HSP90AA1: variants seen among roughly 807,000 people sequenced by gnomAD.
The protein encoded by HSP90AA1 is heat shock protein HSP 90-alpha.
Under a neutral mutation model 73.3 loss-of-function variants are expected in HSP90AA1, and 18 were observed. The observed-to-expected ratio is 0.25, with a 90% CI of 0.17 to 0.36. HSP90AA1 has a LOEUF of 0.36. HSP90AA1 is among the 10% of genes least tolerant of loss of function. HSP90AA1 has a pLI of 1.00. For missense variants in HSP90AA1, 704 were observed against 874.2 expected, an observed-to-expected ratio of 0.81 and a Z score of 2.45; for synonymous variants, 477 against 296.9, an observed-to-expected ratio of 1.61 and a Z score of -6.24.
chr14:102,084,360 T>TA (rs759941046), intron 6 of HSP90AA1, 39 bp downstream of exon 6: 3 of 1,587,140 alleles, frequency 1.9e-6, no homozygotes, highest in Non-Finnish European at 2.6e-6. Context: ...AGTACTTCTT[T>TA]AATCAGTGAC....
At chr14:102,094,872 A>G (rs971402379) in intron 2 of HSP90AA1, among the ~76,000 whole-genome samples, 17 of 152,142 alleles carry the variant, frequency 1.1e-4, no homozygotes, top group South Asian at 2.1e-4. Flanking sequence ...CACGCTTCCA[A>G]TGAGACCTGA....
intron 10 of HSP90AA1, 127 bp downstream of exon 10, chr14:102,081,984 A>C: frequency 1.3e-6 from 1 of 792,510 alleles, no homozygotes; most frequent in Non-Finnish European, 2.2e-6. Context: ...TAAAAAAAAC[A>C]TACTTTAATA....
upstream of HSP90AA1, among the ~76,000 whole-genome samples, chr14:102,088,118 C>T (rs572170017): frequency 7.2e-5 from 11 of 151,968 alleles, no homozygotes; most frequent in Admixed American, 7.2e-4. Context: ...GCGCGGACAC[C>T]ACACCTGTCT....
chr14:102,083,540 T>G lies in HSP90AA1; in HGVS notation c.1486+6A>C. 6.2e-7 allele frequency: 1 copy of G among 1,613,188 alleles called. No individual in the cohort carries two copies. Among genetic ancestry groups the G allele is most frequent in the Non-Finnish European group, 8.5e-7 (1 of 1,179,518 alleles). On this transcript the variant is annotated splice_donor_region_variant and intron_variant, in intron 8 of 10. Coordinates refer to ENST00000216281, the MANE Select transcript of HSP90AA1 (RefSeq NM_005348.4). ...CGTGTATGACTGTAACATAGTGTTC[T>G]CTTACCTGTGATATAATAGATATGT...
exon 1 of HSP90AA1, chr14:102,139,514 G>C (rs2152632080): frequency 8.6e-7 from 1 of 1,165,764 alleles, no homozygotes; most frequent in Non-Finnish European, 1.2e-6. Flanking sequence ...CAGGGCGGGA[G>C]ACCGCTGAGG....
At chr14:102,083,339 A>G in intron 8 of HSP90AA1, 37 bp from the exon 9 acceptor site, 2 of 1,610,142 alleles carry the variant, frequency 1.2e-6, no homozygotes, top group Non-Finnish European at 1.7e-6. Context: ...ACCTTTTAAC[A>G]GTTAAGAATG....
At chr14:102,132,636 A>G (rs2049922215) in intron 1 of HSP90AA1, among the ~76,000 whole-genome samples, 1 of 152,098 alleles carries the variant, frequency 6.6e-6, no homozygotes, top group South Asian at 2.1e-4. Context: ...ATCTGGCTAA[A>G]AGGTAGCATA....
rs368978190 is a variant in HSP90AA1 at position 102,083,845 on chromosome 14, T to C, written c.1286A>G (p.Glu429Gly). 2.5e-6 allele frequency: 4 copies of C among 1,613,968 alleles called. No homozygotes were observed. Among genetic ancestry groups the C allele is most frequent in the Non-Finnish European group, 3.4e-6 (4 of 1,179,940 alleles). ...KCLELFTELA[E>G]DKENYKKFYE... The stretch of plus-strand genomic sequence containing the variant: ...GAATTTCTTGTAGTTCTCTTTATCT[T>C]CCGCCAGTTCAGTAAAGAGTTCTAA... Residue 429 changes from glutamate to glycine, a missense_variant, in exon 7 of 11, where the codon GAA (glutamate) becomes GGA (glycine). Coordinates refer to ENST00000216281, the MANE Select transcript of HSP90AA1 (RefSeq NM_005348.4).
chr14:102,085,726 C>T, intron 3 of HSP90AA1, 32 bp downstream of exon 3: 1 of 1,613,890 alleles, frequency 6.2e-7, no homozygotes. Context: ...CCTTCCACCG[C>T]TCACTTAACC....
intron 1 of HSP90AA1, among the ~76,000 whole-genome samples, chr14:102,130,052 C>A (rs966352150): frequency 1.3e-5 from 2 of 151,324 alleles, no homozygotes; most frequent in Non-Finnish European, 1.5e-5. Context: ...CTCACTGCAA[C>A]CTCCGCCTCC....
intron 1 of HSP90AA1, among the ~76,000 whole-genome samples, chr14:102,120,599 C>T (rs900695656): frequency 6.6e-6 from 1 of 152,036 alleles, no homozygotes; most frequent in East Asian, 1.9e-4. Flanking sequence ...GAAGTCAGTT[C>T]TCAAACTCAG....
chr14:102,110,592 T>G (rs1351151128), intron 1 of HSP90AA1, among the ~76,000 whole-genome samples: 2 of 150,282 alleles, frequency 1.3e-5, no homozygotes, highest in African/African-American at 4.8e-5. Flanking sequence ...GATAATTTTT[T>G]TTTTTTTGAG....
intron 1 of HSP90AA1, among the ~76,000 whole-genome samples, chr14:102,122,322 C>T (rs2049787935): frequency 6.7e-6 from 1 of 149,214 alleles, no homozygotes; most frequent in African/African-American, 2.5e-5. Context: ...GCTCTGTCGC[C>T]CAGGCTGGAG....
intron 2 of HSP90AA1, among the ~76,000 whole-genome samples, chr14:102,101,077 G>T (rs974560037): frequency 6.6e-6 from 1 of 152,178 alleles, no homozygotes; most frequent in Non-Finnish European, 1.5e-5. Context: ...TTGAGGGAAG[G>T]TCAGTCACCA....
intron 1 of HSP90AA1, among the ~76,000 whole-genome samples, chr14:102,134,596 G>C (rs140989880): frequency 1.3e-5 from 2 of 151,994 alleles, no homozygotes; most frequent in African/African-American, 4.8e-5. Flanking sequence ...ACTGGCTCAG[G>C]AGTGAAGCTG....
At chr14:102,082,878 CAA>C (rs2049131076) in intron 9 of HSP90AA1, 154 bp downstream of exon 9, 1 of 763,264 alleles carries the variant, frequency 1.3e-6, no homozygotes, top group African/African-American at 1.7e-5. Context: ...CTCAGCCTCC[CAA>C]AGTGCTGGGA....
rs370655529 is a variant in HSP90AA1, at chr14:102,100,492, C to G, written c.366+1383G>C. Among the ~76,000 whole-genome samples the G allele has an allele frequency of 1.2e-4, 17 of 145,072 alleles. 1 individual carries two copies. The highest frequency in any genetic ancestry group is 3.5e-4 in the Admixed American group (5 of 14,138). On this transcript the variant is annotated intron_variant, in intron 2 of 11. Coordinates refer to the HSP90AA1 transcript ENST00000334701. ...CCAGGCTGGAGTGCAATGGCACGAT[C>G]TCAGCTCCCCACAACCTCCGCCTCC...
chr14:102,089,109 C>T (rs545676797), upstream of HSP90AA1, among the ~76,000 whole-genome samples: 13 of 152,038 alleles, frequency 8.6e-5, no homozygotes, highest in Non-Finnish European at 1.9e-4. Context: ...TTAGTAGAGA[C>T]GGGGTTTCAC....
At chr14:102,093,269 C>T (rs1045249875) in intron 2 of HSP90AA1, among the ~76,000 whole-genome samples, 17 of 149,764 alleles carry the variant, frequency 1.1e-4, no homozygotes, top group African/African-American at 4.2e-4. Context: ...CCAGCACTTT[C>T]GGAGGCCAAG....
Sources: gnomAD v4.1 joint callset for allele counts (sites outside exome capture counted in the v4.1 genomes callset) on GRCh38, gnomAD v4.1.1 for gene constraint, MANE v1.5 for transcripts, NCBI Gene and HGNC (gene_info 2026-07-23, HGNC 2026-07-21) for gene names.